The following TCF7L2 variants were observed in gnomAD, a reference collection of about 807,000 sequenced individuals.
TCF7L2 encodes the protein transcription factor 7-like 2.
Under a neutral mutation model 77.9 loss-of-function variants are expected in TCF7L2, and 23 were observed. The ratio of observed to expected loss-of-function variants is 0.30; its 90% CI spans 0.21 to 0.42. The LOEUF is 0.42. Among genes scored for constraint, TCF7L2 ranks in the 10% least tolerant of loss-of-function variants. The pLI is 1.00. For missense variants in TCF7L2, 654 were observed against 793.1 expected, an observed-to-expected ratio of 0.82 and a Z score of 2.11; for synonymous variants, 413 against 340.2, an observed-to-expected ratio of 1.21 and a Z score of -2.36.
intron 4 of TCF7L2, among the ~76,000 whole-genome samples, chr10:112,998,131 G>A (rs2043838320): frequency 6.7e-6 from 1 of 150,206 alleles, no homozygotes; most frequent in African/African-American, 2.5e-5. Context: ...AAGAGATGGA[G>A]TCTTACCATG....
intron 4 of TCF7L2, among the ~76,000 whole-genome samples, chr10:113,005,336 C>G (rs1038500552): frequency 6.6e-6 from 1 of 152,122 alleles, no homozygotes; most frequent in East Asian, 1.9e-4. Context: ...AGAGGTGGGT[C>G]CTTCTCTGCT....
intron 4 of TCF7L2, among the ~76,000 whole-genome samples, chr10:113,014,767 CAG>C (rs1189495214): frequency 6.6e-6 from 1 of 152,150 alleles, no homozygotes; most frequent in Admixed American, 6.5e-5. Flanking sequence ...GCCTGGGCGA[CAG>C]AGCGAGACTT....
intron 5 of TCF7L2, among the ~76,000 whole-genome samples, chr10:113,093,811 T>A (rs1378674579): frequency 6.6e-6 from 1 of 152,250 alleles, no homozygotes; most frequent in Non-Finnish European, 1.5e-5. Context: ...TATAACCGCA[T>A]TCAGATAAGA....
intron 5 of TCF7L2, among the ~76,000 whole-genome samples, chr10:113,128,617 G>A (rs542775817): frequency 1.3e-5 from 2 of 152,146 alleles, no homozygotes; most frequent in Admixed American, 6.5e-5. Flanking sequence ...CATGCAAATC[G>A]GAGTTGTGTG....
At chr10:113,031,202 G>A (rs1348335365) in intron 4 of TCF7L2, among the ~76,000 whole-genome samples, 2 of 152,140 alleles carry the variant, frequency 1.3e-5, no homozygotes, top group African/African-American at 4.8e-5. Flanking sequence ...GGAGATTATT[G>A]GCTTTGACCA....
intron 5 of TCF7L2, among the ~76,000 whole-genome samples, chr10:113,128,075 C>T (rs1037571448): frequency 4.0e-5 from 6 of 151,800 alleles, no homozygotes; most frequent in South Asian, 2.1e-4. Flanking sequence ...TGGTGGTCCG[C>T]GTGAATAGAG....
chr10:113,014,559 G>A (rs370067702), intron 4 of TCF7L2, among the ~76,000 whole-genome samples: 3 of 152,114 alleles, frequency 2.0e-5, no homozygotes, highest in South Asian at 2.1e-4. Context: ...TTGGGAGGCC[G>A]AGGGGGCGCG....
chr10:113,019,943 C>T (rs1480433630), intron 4 of TCF7L2, among the ~76,000 whole-genome samples: 1 of 152,128 alleles, frequency 6.6e-6, no homozygotes, highest in Non-Finnish European at 1.5e-5. Flanking sequence ...CAACCCAGAA[C>T]CCCCCTGTTG....
chr10:113,121,979 A>G (rs1443875258), intron 5 of TCF7L2, among the ~76,000 whole-genome samples: 1 of 152,240 alleles, frequency 6.6e-6, no homozygotes, highest in African/African-American at 2.4e-5. Flanking sequence ...TAACACAATC[A>G]TTACATAACA....
At chr10:113,108,915 T>A (rs941780241) in intron 5 of TCF7L2, among the ~76,000 whole-genome samples, 1 of 152,260 alleles carries the variant, frequency 6.6e-6, no homozygotes, top group African/African-American at 2.4e-5. Flanking sequence ...AGAGGCACTC[T>A]GATCTTAATT....
chr10:113,152,574 G>T, intron 11 of TCF7L2, 134 bp downstream of exon 11: 1 of 671,912 alleles, frequency 1.5e-6, no homozygotes. Context: ...TTGGGGACTG[G>T]TAGCATCTTC....
chr10:113,102,050 G>T (rs150249576), intron 5 of TCF7L2, among the ~76,000 whole-genome samples: 4,293 of 142,958 alleles, frequency 0.03, 228 homozygotes, highest in African/African-American at 0.11. Flanking sequence ...GGAGGCGGAG[G>T]TTGCAGTGAG....
intron 4 of TCF7L2, among the ~76,000 whole-genome samples, chr10:113,036,507 A>T (rs558208647): frequency 6.6e-6 from 1 of 151,996 alleles, no homozygotes; most frequent in African/African-American, 2.4e-5. Context: ...CTTTCAGGCC[A>T]TTGGTGTTGT....
Position 112,950,753 on chromosome 10 carries a change from A to G in TCF7L2, c.-4A>G. Reference sequence around the variant, plus strand: ...CAAAATTGCTGCTGGTGGGTGAAAAAAAAATGCCGCAGCTGAACGGCGGTG... The same window carrying G: ...CAAAATTGCTGCTGGTGGGTGAAAAGAAAATGCCGCAGCTGAACGGCGGTG... On this transcript the variant is annotated 5_prime_UTR_variant, in exon 1 of 14. Transcript: ENST00000627217. 1 of 1,555,304 alleles carries G rather than the reference A, an allele frequency of 6.4e-7. No homozygotes were observed. Among genetic ancestry groups the G allele is most frequent in the Non-Finnish European group, 8.7e-7 (1 of 1,150,518 alleles).
intron 3 of TCF7L2, among the ~76,000 whole-genome samples, chr10:112,957,671 A>T (rs2034020849): frequency 6.6e-6 from 1 of 152,176 alleles, no homozygotes; most frequent in South Asian, 2.1e-4. Flanking sequence ...AAAAAGGGAT[A>T]TTGCTTTGCT....
chr10:113,074,917 T>C lies in TCF7L2; in HGVS notation c.552+34791T>C, dbSNP rs529994565. 3.3e-5 allele frequency among the ~76,000 whole-genome samples: 5 copies of C among 152,278 alleles called. No individual in the cohort carries two copies. In the South Asian group the frequency reaches 1.0e-3, roughly 32 times the overall value. On this transcript the variant is annotated intron_variant, in intron 5 of 13. Coordinates refer to ENST00000627217, the MANE Select transcript of TCF7L2 (RefSeq NM_001146274.2). ...AACCCCTCACCCTCCCAAAGAATTA[T>C]CAAAAACATCAACAGTGCCAAAGCT...
intron 13 of TCF7L2, among the ~76,000 whole-genome samples, chr10:113,162,756 T>G (rs2073369654): frequency 6.6e-6 from 1 of 152,200 alleles, no homozygotes; most frequent in South Asian, 2.1e-4. Context: ...ATGGAATGAT[T>G]AGCAAATGCA....
chr10:113,151,337 GT>G lies in TCF7L2; in HGVS notation c.1001+220del, dbSNP rs1421146065. 6.6e-6 allele frequency among the ~76,000 whole-genome samples: 1 copy of G among 152,122 alleles called. No individual in the cohort carries two copies. Among genetic ancestry groups the G allele is most frequent in the Non-Finnish European group, 1.5e-5 (1 of 68,032 alleles). ...TACCACCGTGGGTTAGAACAGAACTGTTTTTTGTGTGTGTACTTGGATACAC... is the reference window on the plus strand; with the variant it reads ...TACCACCGTGGGTTAGAACAGAACTGTTTTTGTGTGTGTACTTGGATACAC... On this transcript the variant is annotated intron_variant, in intron 9 of 13. Coordinates refer to ENST00000627217, the MANE Select transcript of TCF7L2 (RefSeq NM_001146274.2). This position sits in a 1 kb window ranked among gnomAD's most constrained non-coding sequence, Gnocchi z 5.2.
intron 5 of TCF7L2, among the ~76,000 whole-genome samples, chr10:113,048,645 A>G (rs2053863838): frequency 6.6e-6 from 1 of 152,192 alleles, no homozygotes; most frequent in Non-Finnish European, 1.5e-5. Context: ...ATCCAACCTT[A>G]TACATTCCAG....
Sources: gnomAD v4.1 joint callset for allele counts (sites outside exome capture counted in the v4.1 genomes callset) on GRCh38, gnomAD v4.1.1 for gene constraint, Gnocchi (gnomAD v3.1) non-coding constraint, MANE v1.5 for transcripts, NCBI Gene and HGNC (gene_info 2026-07-23, HGNC 2026-07-21) for gene names.